IL1RAPL1: variants seen among roughly 807,000 people sequenced by gnomAD.
IL1RAPL1 encodes interleukin 1 receptor accessory protein like 1, also known as interleukin-1 receptor accessory protein-like 1.
IL1RAPL1 carries 3 observed loss-of-function variants against 48.4 expected under a neutral mutation model. The observed-to-expected ratio is 0.06, with a 90% confidence interval of 0.03 to 0.16. The LOEUF is 0.16. IL1RAPL1 is among the 10% of genes least tolerant of loss of function. The pLI is 1.00. For missense variants in IL1RAPL1, 349 were observed against 530.6 expected (o/e 0.66, Z 3.36); for synonymous variants, 185 against 187.7 (o/e 0.99, Z 0.12).
At chrX:29,541,836 C>G (rs1406765711) in intron 5 of IL1RAPL1, among the ~76,000 whole-genome samples, 1 of 110,552 alleles carries the variant, frequency 9.0e-6, no homozygotes, top group Non-Finnish European at 1.9e-5. Flanking sequence ...TGCTCAGTAC[C>G]TGTGTGAGAG....
intron 6 of IL1RAPL1, among the ~76,000 whole-genome samples, chrX:29,826,639 G>A (rs181747687): frequency 4.6e-4 from 51 of 111,661 alleles, no homozygotes; most frequent in African/African-American, 1.5e-3. Flanking sequence ...TATCGTACAT[G>A]TGGTTTTTTG....
At chrX:29,148,282 T>G (rs765835050) in intron 2 of IL1RAPL1, among the ~76,000 whole-genome samples, 2 of 111,834 alleles carry the variant, frequency 1.8e-5, no homozygotes, top group East Asian at 5.6e-4. Context: ...GTGGAAGAAT[T>G]ATGAGTTTAT....
chrX:29,946,034 C>T (rs1242769195), intron 9 of IL1RAPL1, among the ~76,000 whole-genome samples: 1 of 110,962 alleles, frequency 9.0e-6, no homozygotes, highest in Non-Finnish European at 1.9e-5. Context: ...ATCTCATTGG[C>T]CACACTTTCC....
At chrX:29,722,730 C>G (rs1303425676) in intron 6 of IL1RAPL1, among the ~76,000 whole-genome samples, 1 of 111,685 alleles carries the variant, frequency 9.0e-6, no homozygotes, top group Non-Finnish European at 1.9e-5. Context: ...CTTGACGATC[C>G]TTGCACATTT....
chrX:29,400,721 T>C (rs926974821), intron 5 of IL1RAPL1, among the ~76,000 whole-genome samples: 1 of 112,275 alleles, frequency 8.9e-6, no homozygotes, highest in Admixed American at 9.4e-5. Flanking sequence ...TCTTTTAAGG[T>C]ATCTGGCTAT....
At chrX:28,629,276 G>C (rs1235508336) in intron 1 of IL1RAPL1, among the ~76,000 whole-genome samples, 1 of 111,560 alleles carries the variant, frequency 9.0e-6, no homozygotes, top group Admixed American at 9.6e-5. Context: ...CTTTAGTATA[G>C]AAATATAAAG....
chrX:29,221,620 TACACACACACACACACACACACACACAC>T (rs35088625), intron 2 of IL1RAPL1, among the ~76,000 whole-genome samples: 2 of 79,564 alleles, frequency 2.5e-5, no homozygotes, highest in African/African-American at 4.6e-5. Flanking sequence ...TACACACACA[TACACACACACACACACACACACACACAC>T]ACACACACAC....
chrX:29,341,321 C>T (rs973900170), intron 3 of IL1RAPL1, among the ~76,000 whole-genome samples: 2 of 112,002 alleles, frequency 1.8e-5, no homozygotes, highest in Admixed American at 1.9e-4. Flanking sequence ...GAGAATGAAG[C>T]GTGCTAATTT....
intron 2 of IL1RAPL1, among the ~76,000 whole-genome samples, chrX:29,173,485 G>A (rs925825556): frequency 9.0e-5 from 10 of 111,505 alleles, no homozygotes; most frequent in African/African-American, 3.3e-4. Flanking sequence ...TACCTTTGTG[G>A]TCCAGCAGCT....
At chrX:29,393,184 C>G (rs773057601) in intron 3 of IL1RAPL1, among the ~76,000 whole-genome samples, 4 of 111,685 alleles carry the variant, frequency 3.6e-5, no homozygotes, top group African/African-American at 1.3e-4. Flanking sequence ...TGCAGTCTCG[C>G]GATCTCGGCT....
At chrX:28,781,581 T>C (rs578055375) in intron 1 of IL1RAPL1, among the ~76,000 whole-genome samples, 243 of 110,980 alleles carry the variant, frequency 2.2e-3, no homozygotes, top group African/African-American at 7.2e-3. Context: ...TAATCACACC[T>C]ACAAAATCCT....
chrX:28,677,610 C>T (rs1424381570), intron 1 of IL1RAPL1, among the ~76,000 whole-genome samples: 2 of 108,594 alleles, frequency 1.8e-5, no homozygotes, highest in Admixed American at 9.8e-5. Flanking sequence ...TTTTTTGAGA[C>T]GGAGTCTCAC....
intron 5 of IL1RAPL1, among the ~76,000 whole-genome samples, chrX:29,650,450 C>T: frequency 9.1e-6 from 1 of 109,530 alleles, no homozygotes; most frequent in Non-Finnish European, 1.9e-5. Context: ...GAATGAAGAG[C>T]CCAGAAATAA....
intron 6 of IL1RAPL1, among the ~76,000 whole-genome samples, chrX:29,876,489 A>G (rs1931907444): frequency 8.9e-6 from 1 of 112,150 alleles, no homozygotes; most frequent in Admixed American, 9.5e-5. Flanking sequence ...AAATAGGATA[A>G]GAGACTAATA....
intron 5 of IL1RAPL1, among the ~76,000 whole-genome samples, chrX:29,507,102 G>A (rs903920358): frequency 9.1e-6 from 1 of 109,758 alleles, no homozygotes; most frequent in Non-Finnish European, 1.9e-5. Context: ...GATATTGCTG[G>A]TAATAATCTC....
intron 2 of IL1RAPL1, among the ~76,000 whole-genome samples, chrX:29,057,833 C>CAT (rs1304440189): frequency 8.9e-6 from 1 of 111,781 alleles, no homozygotes; most frequent in Non-Finnish European, 1.9e-5. Flanking sequence ...AGACTATTAG[C>CAT]AGAGCTAGCT....
At chrX:29,159,693 A>G (rs764066981) in intron 2 of IL1RAPL1, among the ~76,000 whole-genome samples, 1 of 111,869 alleles carries the variant, frequency 8.9e-6, no homozygotes, top group South Asian at 3.7e-4. Context: ...AATCTACTCT[A>G]GGATTAATTT....
At chrX:29,293,790 C>G (rs982108552) in intron 3 of IL1RAPL1, among the ~76,000 whole-genome samples, 1 of 111,184 alleles carries the variant, frequency 9.0e-6, no homozygotes, top group African/African-American at 3.3e-5. Context: ...CAGGGTTATA[C>G]TGTGATTATT....
chrX:28,664,495 A>G (rs1196160913), intron 1 of IL1RAPL1, among the ~76,000 whole-genome samples: 1 of 111,815 alleles, frequency 8.9e-6, no homozygotes, highest in Non-Finnish European at 1.9e-5. Context: ...ACATGTGCCT[A>G]CATGTTTCTT....
Sources: allele counts gnomAD v4.1 joint callset (sites outside exome capture counted in the v4.1 genomes callset), GRCh38; gene constraint gnomAD v4.1.1; transcripts MANE v1.5; gene names NCBI Gene and HGNC (gene_info 2026-07-23, HGNC 2026-07-21).